LYRM4: variants seen among roughly 807,000 people sequenced by gnomAD.
The protein encoded by LYRM4 is LYR motif-containing protein 4.
A neutral mutation model predicts 11.7 loss-of-function variants in LYRM4; 9 were observed. The ratio of observed to expected loss-of-function variants is 0.77; its 90% CI spans 0.46 to 1.34. The LOEUF (loss-of-function observed/expected upper bound fraction) is 1.34. LYRM4 is among the 40% of genes most tolerant of loss of function. LYRM4 has a pLI of 0.00. For missense variants in LYRM4, 133 were observed against 112.5 expected (o/e 1.18, Z -0.82); for synonymous variants, 42 against 40.4 (o/e 1.04, Z -0.15).
chr6:5,173,354 T>C (rs983482694), intron 2 of LYRM4, among the ~76,000 whole-genome samples: 1 of 152,252 alleles, frequency 6.6e-6, no homozygotes, highest in Non-Finnish European at 1.5e-5. Context: ...CTGTCTCCAA[T>C]ATTCTCTTAG....
intron 2 of LYRM4, chr6:5,136,828 T>A: frequency 5.1e-6 from 5 of 985,266 alleles, no homozygotes; most frequent in Non-Finnish European, 3.6e-6. Context: ...TGATGTCTCT[T>A]AACAGCTTTA....
the LYRM4 span, among the ~76,000 whole-genome samples, chr6:5,076,500 G>A: frequency 2.0e-5 from 3 of 152,182 alleles, no homozygotes; most frequent in Non-Finnish European, 4.4e-5. Context: ...GTGTCTTCCT[G>A]TTAGGACACT....
intron 2 of LYRM4, among the ~76,000 whole-genome samples, chr6:5,173,632 C>T (rs1759551172): frequency 6.6e-6 from 1 of 152,154 alleles, no homozygotes; most frequent in South Asian, 2.1e-4. Flanking sequence ...AATGAGTACC[C>T]CAGTGATCAA....
chr6:5,148,518 G>GTGGGGCAGAGTCAGAACTCT (rs1554131022), intron 2 of LYRM4, among the ~76,000 whole-genome samples: 26 of 54,366 alleles, frequency 4.8e-4, no homozygotes, highest in African/African-American at 1.2e-3. Flanking sequence ...AGCTGGGCTG[G>GTGGGGCAGAGTCAGAACTCT]GTATACGCCT....
chr6:5,117,800 C>T (rs935557441), intron 2 of LYRM4, among the ~76,000 whole-genome samples: 3 of 151,938 alleles, frequency 2.0e-5, no homozygotes, highest in Non-Finnish European at 2.9e-5. Flanking sequence ...CCCAGGAGTT[C>T]GAGGCTGTAG....
chr6:5,041,236 T>G, the LYRM4 span, among the ~76,000 whole-genome samples: 17,814 of 151,972 alleles, frequency 0.12, 1,148 homozygotes, highest in Non-Finnish European at 0.13. Context: ...AAAAGCTCAA[T>G]AACTTCAGTG....
downstream of LYRM4, among the ~76,000 whole-genome samples, chr6:5,099,447 C>A (rs899176974): frequency 1.6e-4 from 22 of 138,674 alleles, no homozygotes; most frequent in Non-Finnish European, 2.5e-4. The surrounding 1 kb of genome is among the most constrained non-coding windows in gnomAD (Gnocchi z 4.3). Context: ...GCGATGAGGC[C>A]TCACTATATT....
chr6:5,119,573 G>A (rs1763312949), intron 2 of LYRM4, among the ~76,000 whole-genome samples: 1 of 151,892 alleles, frequency 6.6e-6, no homozygotes, highest in Non-Finnish European at 1.5e-5. Context: ...GATCACTTGT[G>A]GCCAGGAGTT....
chr6:5,173,229 C>A (rs1011036393), intron 2 of LYRM4, among the ~76,000 whole-genome samples: 1 of 152,192 alleles, frequency 6.6e-6, no homozygotes, highest in African/African-American at 2.4e-5. Context: ...AATTTCCTGT[C>A]CTCTGTGCCA....
chr6:5,089,147 G>C, the LYRM4 span: 1 of 152,088 alleles, frequency 6.6e-6, no homozygotes, highest in African/African-American at 2.4e-5. Flanking sequence ...TCATATCAAT[G>C]AACTAATGAA....
chr6:5,241,999 A>G (rs1266754099), intron 1 of LYRM4, among the ~76,000 whole-genome samples: 1 of 151,942 alleles, frequency 6.6e-6, no homozygotes, highest in East Asian at 1.9e-4. Flanking sequence ...TACTACCTTA[A>G]TCTGTAAGTG....
chr6:5,151,182 C>A (rs1758068439), intron 2 of LYRM4, among the ~76,000 whole-genome samples: 1 of 150,812 alleles, frequency 6.6e-6, no homozygotes, highest in Non-Finnish European at 1.5e-5. Flanking sequence ...CTCCTGGGTT[C>A]AAGGGATCCT....
At chr6:5,210,878 T>C (rs1761955422) in intron 2 of LYRM4, among the ~76,000 whole-genome samples, 1 of 152,214 alleles carries the variant, frequency 6.6e-6, no homozygotes, top group Non-Finnish European at 1.5e-5. Context: ...TATTCTATTG[T>C]ATGTATATAC....
the LYRM4 span, chr6:5,086,074 C>G: frequency 2.7e-6 from 4 of 1,469,152 alleles, no homozygotes; most frequent in South Asian, 5.3e-5. Context: ...GCCTTCCCGG[C>G]TCCGGCCGCT....
At chr6:5,123,641 T>A (rs953635565) in intron 2 of LYRM4, among the ~76,000 whole-genome samples, 2 of 152,214 alleles carry the variant, frequency 1.3e-5, no homozygotes, top group Non-Finnish European at 2.9e-5. Flanking sequence ...TTCCCTCTCC[T>A]GGGGTGCCCT....
chr6:5,214,932 G>T (rs1258434761), intron 2 of LYRM4, among the ~76,000 whole-genome samples: 1 of 151,580 alleles, frequency 6.6e-6, no homozygotes, highest in Non-Finnish European at 1.5e-5. Context: ...ACGTGCAGTG[G>T]CCAGGCTGCC....
At chr6:5,075,472 C>G in the LYRM4 span, among the ~76,000 whole-genome samples, 1 of 152,138 alleles carries the variant, frequency 6.6e-6, no homozygotes, top group Non-Finnish European at 1.5e-5. Context: ...TCACACTATA[C>G]TTGGTAGGTG....
rs564753649 is a variant in LYRM4, at chr6:5,154,281, T to C, written c.208-44790A>G. On this transcript the variant is annotated intron_variant, in intron 2 of 2. Coordinates refer to ENST00000330636, the MANE Select transcript of LYRM4 (RefSeq NM_020408.6). ...AACATAAAAATGTAATGCAGTAGAA[T>C]GAAACAGTAGAAGGAACTCCATATA... 1.4e-3 allele frequency among the ~76,000 whole-genome samples: 212 copies of C among 152,320 alleles called. 1 individual carries two copies. The highest frequency in any genetic ancestry group is 4.9e-3 in the African/African-American group (204 of 41,582).
intron 2 of LYRM4, among the ~76,000 whole-genome samples, chr6:5,130,374 C>G (rs143443407): frequency 1.8e-4 from 28 of 152,224 alleles, no homozygotes; most frequent in Non-Finnish European, 3.2e-4. Flanking sequence ...AAGGCTGTTG[C>G]TCCCTGTTCG....
Sources: gnomAD v4.1 joint callset for allele counts (sites outside exome capture counted in the v4.1 genomes callset) on GRCh38, gnomAD v4.1.1 for gene constraint, Gnocchi (gnomAD v3.1) non-coding constraint, MANE v1.5 for transcripts, NCBI Gene and HGNC (gene_info 2026-07-23, HGNC 2026-07-21) for gene names.